GALNT13: variants seen among roughly 807,000 people sequenced by gnomAD.
GALNT13 encodes polypeptide N-acetylgalactosaminyltransferase 13.
In GALNT13, 28 loss-of-function variants were observed where a neutral mutation model predicts 64.2. That is an observed-to-expected ratio of 0.44 (90% CI 0.32 to 0.60). GALNT13 has a LOEUF of 0.60. GALNT13 is among the 20% of genes least tolerant of loss of function. The pLI is 0.05. For missense variants in GALNT13, 577 were observed against 669.8 expected, an observed-to-expected ratio of 0.86 and a Z score of 1.53; for synonymous variants, 214 against 224.6, an observed-to-expected ratio of 0.95 and a Z score of 0.42.
chr2:153,714,609 A>G, the GALNT13 span, among the ~76,000 whole-genome samples: 1 of 152,216 alleles, frequency 6.6e-6, no homozygotes, highest in Non-Finnish European at 1.5e-5. Flanking sequence ...CAATGTTATA[A>G]TTAAGGTAGA....
chr2:153,875,296 G>A (rs552378830), intron 1 of GALNT13, among the ~76,000 whole-genome samples: 4 of 152,212 alleles, frequency 2.6e-5, no homozygotes, highest in South Asian at 4.2e-4. Flanking sequence ...GTATGGTGCA[G>A]GAGCATGTTC....
At chr2:154,161,295 G>T (rs2105665212) in intron 4 of GALNT13, among the ~76,000 whole-genome samples, 1 of 152,192 alleles carries the variant, frequency 6.6e-6, no homozygotes, top group Middle Eastern at 3.4e-3. Context: ...TGAATATTCT[G>T]CTAGAATGTA....
At chr2:153,923,940 T>C (rs1203244721) in intron 2 of GALNT13, among the ~76,000 whole-genome samples, 1 of 152,150 alleles carries the variant, frequency 6.6e-6, no homozygotes, top group African/African-American at 2.4e-5. Context: ...CAGCCTATCA[T>C]TGATGGACAT....
the GALNT13 span, among the ~76,000 whole-genome samples, chr2:153,405,308 A>C: frequency 6.6e-6 from 1 of 152,176 alleles, no homozygotes; most frequent in Non-Finnish European, 1.5e-5. Flanking sequence ...ATTCCATGTA[A>C]AACTGGCACC....
chr2:154,184,139 G>A (rs928521268), intron 4 of GALNT13, among the ~76,000 whole-genome samples: 2 of 151,568 alleles, frequency 1.3e-5, no homozygotes, highest in Non-Finnish European at 2.9e-5. Context: ...TATATTATAC[G>A]AATTTACCCA....
the GALNT13 span, among the ~76,000 whole-genome samples, chr2:153,465,873 A>T: frequency 6.6e-6 from 1 of 152,032 alleles, no homozygotes; most frequent in African/African-American, 2.4e-5. Context: ...GTCACATGTG[A>T]GTGAGAAAGT....
At chr2:153,805,082 TTAGA>T in the GALNT13 span, among the ~76,000 whole-genome samples, 132 of 151,900 alleles carry the variant, frequency 8.7e-4, 2 homozygotes, top group African/African-American at 2.6e-3. Context: ...ATATGAATTG[TTAGA>T]TAGAATATAA....
the GALNT13 span, among the ~76,000 whole-genome samples, chr2:153,759,347 T>C: frequency 6.6e-6 from 1 of 152,200 alleles, no homozygotes; most frequent in Non-Finnish European, 1.5e-5. Flanking sequence ...AGCACTATAG[T>C]GAAGAGGTGA....
the GALNT13 span, among the ~76,000 whole-genome samples, chr2:153,197,476 T>C: frequency 6.6e-6 from 1 of 152,202 alleles, no homozygotes; most frequent in African/African-American, 2.4e-5. Context: ...GCTCCTTAGG[T>C]GTGTGTGCCT....
the GALNT13 span, among the ~76,000 whole-genome samples, chr2:153,854,316 A>C: frequency 3.3e-5 from 5 of 152,146 alleles, no homozygotes; most frequent in South Asian, 1.0e-3. Context: ...GCAGTGGCTC[A>C]TGCCTGTAAT....
chr2:153,173,573 C>A, the GALNT13 span, among the ~76,000 whole-genome samples: 24 of 152,216 alleles, frequency 1.6e-4, no homozygotes, highest in East Asian at 4.4e-3. Flanking sequence ...ACCAAATTTC[C>A]AAATAAGGTT....
the GALNT13 span, among the ~76,000 whole-genome samples, chr2:153,518,260 TATC>T: frequency 1.2e-4 from 18 of 152,280 alleles, no homozygotes; most frequent in African/African-American, 4.3e-4. Context: ...TCGTAGCCCT[TATC>T]ATAATGAAAG....
chr2:153,207,010 T>G, the GALNT13 span, among the ~76,000 whole-genome samples: 1,100 of 152,230 alleles, frequency 7.2e-3, 6 homozygotes, highest in Admixed American at 0.016. Flanking sequence ...GTATGGACTC[T>G]TCTTATCATA....
chr2:153,248,663 A>C, the GALNT13 span, among the ~76,000 whole-genome samples: 1 of 151,760 alleles, frequency 6.6e-6, no homozygotes, highest in African/African-American at 2.4e-5. Flanking sequence ...AAAATACAAA[A>C]AAATTAGCTG....
At chr2:153,366,078 C>T in the GALNT13 span, among the ~76,000 whole-genome samples, 1 of 152,124 alleles carries the variant, frequency 6.6e-6, no homozygotes, top group African/African-American at 2.4e-5. Flanking sequence ...GGAATGAGGT[C>T]ATGTCCTTTG....
At chr2:153,244,514 C>T in the GALNT13 span, among the ~76,000 whole-genome samples, 1 of 152,144 alleles carries the variant, frequency 6.6e-6, no homozygotes, top group Non-Finnish European at 1.5e-5. Context: ...TGAGCAGAAG[C>T]AGGGTGGGGT....
At chr2:153,358,083 C>T in the GALNT13 span, among the ~76,000 whole-genome samples, 1 of 152,276 alleles carries the variant, frequency 6.6e-6, no homozygotes, top group Admixed American at 6.5e-5. Flanking sequence ...TGCAGTTCTG[C>T]AGGCTACTTA....
chr2:154,050,156 G>C (rs1427770922), intron 3 of GALNT13, among the ~76,000 whole-genome samples: 1 of 152,104 alleles, frequency 6.6e-6, no homozygotes, highest in Non-Finnish European at 1.5e-5. Flanking sequence ...AGAAACAAGG[G>C]ATTTTAAAGG....
the GALNT13 span, among the ~76,000 whole-genome samples, chr2:153,542,110 G>T: frequency 6.6e-6 from 1 of 152,066 alleles, no homozygotes; most frequent in African/African-American, 2.4e-5. Context: ...CTGATGTCAG[G>T]AGTTCAAGAC....
Sources: gnomAD v4.1 joint callset for allele counts (sites outside exome capture counted in the v4.1 genomes callset) on GRCh38, gnomAD v4.1.1 for gene constraint, MANE v1.5 for transcripts, NCBI Gene and HGNC (gene_info 2026-07-23, HGNC 2026-07-21) for gene names.